Variants in RYR3 observed in about 807,000 individuals in gnomAD.
The protein encoded by RYR3 is ryanodine receptor 3.
In RYR3, 207 loss-of-function variants were observed where a neutral mutation model predicts 584.3. The observed-to-expected ratio is 0.35, with a 90% CI of 0.32 to 0.40. The LOEUF is 0.40. Ranked by LOEUF, RYR3 falls within the 10% of genes least tolerant of loss-of-function variation. The pLI is 1.00. For synonymous variants in RYR3, 2,416 were observed against 2,248.5 expected (o/e 1.07, Z -2.11); for missense variants, 5,616 against 6,089.2 (o/e 0.92, Z 2.59).
At chr15:33,751,967 CA>C (rs1250538411) in intron 57 of RYR3, among the ~76,000 whole-genome samples, 6 of 152,194 alleles carry the variant, frequency 3.9e-5, no homozygotes, top group African/African-American at 1.2e-4. Context: ...GTTTTCCCAG[CA>C]CCATTTATTA....
chr15:33,452,417 A>G (rs2047203255), intron 1 of RYR3, among the ~76,000 whole-genome samples: 1 of 152,192 alleles, frequency 6.6e-6, no homozygotes, highest in Admixed American at 6.5e-5. Flanking sequence ...AATCAGTCCC[A>G]TTTCTTCTAA....
chr15:33,843,753 G>A (rs1045518089), intron 92 of RYR3, among the ~76,000 whole-genome samples, 179 bp downstream of exon 92: 3 of 152,204 alleles, frequency 2.0e-5, no homozygotes, highest in Non-Finnish European at 4.4e-5. Context: ...AGAGACTACT[G>A]ACAAGAGAGC....
At chr15:33,663,457 T>C in intron 35 of RYR3, 80 bp from the exon 36 acceptor site, 3 of 1,219,120 alleles carry the variant, frequency 2.5e-6, no homozygotes, top group Non-Finnish European at 3.5e-6. Flanking sequence ...TAAGTCTCAG[T>C]GCTACTGTCT....
intron 3 of RYR3, among the ~76,000 whole-genome samples, chr15:33,512,342 AC>A (rs2053108289): frequency 6.6e-6 from 1 of 152,202 alleles, no homozygotes; most frequent in African/African-American, 2.4e-5. Context: ...GAAGAATTAA[AC>A]GTGAACTTCA....
rs748705446 is a variant in RYR3, at chr15:33,563,549, A to G, written c.1146+539A>G. Among the ~76,000 whole-genome samples, 14 of 152,220 alleles carry G rather than the reference A, an allele frequency of 9.2e-5. No homozygotes were observed. The East Asian group carries it at 1.2e-3, about 13-fold the overall frequency. ...AAAAACTAGCTTGGGTGCATGCAGC[A>G]TCTATTTACCAGAAAGTCAATTGCC... On this transcript the variant is annotated intron_variant, in intron 11 of 103. Transcript: ENST00000634891.
Position 33,550,257 on chromosome 15 carries a change from C to T in RYR3, c.913C>T (p.Leu305=). 1.2e-6 allele frequency: 2 copies of T among 1,613,740 alleles called. No individual in the cohort carries two copies. Among genetic ancestry groups the T allele is most frequent in the Non-Finnish European group, 1.7e-6 (2 of 1,179,782 alleles). The change falls in exon 10 of 104, where the codon CTG becomes TTG. Residue 305 remains leucine, a synonymous_variant. Transcript: ENST00000634891. ...CTTGACAGAAGACCAAGGCCTTATA[C>T]TGCAAGACCGGGCAAAGTCAGACAC... The part of the protein sequence containing the change: ...LALTEDQGLI[L]QDRAKSDTKS...
At chr15:33,468,469 T>A (rs900357993) in intron 1 of RYR3, among the ~76,000 whole-genome samples, 1 of 152,160 alleles carries the variant, frequency 6.6e-6, no homozygotes, top group Admixed American at 6.5e-5. Flanking sequence ...CAAAGCCTCA[T>A]TGTTTTATTT....
intron 6 of RYR3, among the ~76,000 whole-genome samples, chr15:33,540,220 A>G (rs1269455112): frequency 3.3e-5 from 5 of 152,172 alleles, no homozygotes; most frequent in Non-Finnish European, 5.9e-5. Flanking sequence ...AGGATCGAAT[A>G]TAGGAAAATA....
chr15:33,819,226 C>T (rs529107446), intron 76 of RYR3, among the ~76,000 whole-genome samples: 76 of 152,364 alleles, frequency 5.0e-4, no homozygotes, highest in Admixed American at 9.8e-4. Context: ...CTATAAACTT[C>T]ATCTCTGAAT....
At chr15:33,546,136 A>AATGGAG (rs1227686822) in intron 8 of RYR3, among the ~76,000 whole-genome samples, 14 of 152,304 alleles carry the variant, frequency 9.2e-5, no homozygotes, top group Admixed American at 9.2e-4. Context: ...TGTGAGATTA[A>AATGGAG]ATGGAGCAAG....
intron 37 of RYR3, 90 bp from the exon 38 acceptor site, chr15:33,670,329 G>T (rs970457220): frequency 3.0e-6 from 4 of 1,342,482 alleles, no homozygotes; most frequent in Non-Finnish European, 4.2e-6. Context: ...GTTCCAGAAG[G>T]ATGGGAAGCA....
At chr15:33,610,456 G>C (rs1194579490) in intron 18 of RYR3, among the ~76,000 whole-genome samples, 2 of 152,116 alleles carry the variant, frequency 1.3e-5, no homozygotes, top group Non-Finnish European at 2.9e-5. Context: ...TTCTGTCTTT[G>C]ATCCCCAGTC....
intron 1 of RYR3, among the ~76,000 whole-genome samples, chr15:33,425,222 A>AATTGCAT (rs1264568480): frequency 6.6e-6 from 1 of 152,226 alleles, no homozygotes; most frequent in African/African-American, 2.4e-5. Context: ...GGAGATAAAG[A>AATTGCAT]ATTGCATAAG....
intron 85 of RYR3, among the ~76,000 whole-genome samples, chr15:33,829,221 T>G (rs1185830965): frequency 5.9e-5 from 9 of 152,204 alleles, no homozygotes; most frequent in Non-Finnish European, 1.3e-4. Flanking sequence ...ATGCACCTGG[T>G]TCCAAGAGCT....
intron 1 of RYR3, among the ~76,000 whole-genome samples, chr15:33,334,236 C>G (rs943227090): frequency 2.6e-5 from 4 of 152,142 alleles, no homozygotes; most frequent in African/African-American, 9.7e-5. Flanking sequence ...CAATCCTAAG[C>G]AAAAGGAACA....
chr15:33,576,812 A>G (rs1039817656), intron 12 of RYR3, among the ~76,000 whole-genome samples: 1 of 152,216 alleles, frequency 6.6e-6, no homozygotes, highest in Non-Finnish European at 1.5e-5. Context: ...ACACAGGAAG[A>G]GAGGAAGTCA....
At position 33,311,466 on chromosome 15, in the gene RYR3, G is replaced by A. The variant is rs1265726275; in HGVS notation, c.51+370G>A. On this transcript the variant is annotated intron_variant, in intron 1 of 103. Coordinates refer to ENST00000634891, the MANE Select transcript of RYR3 (RefSeq NM_001036.6). The surrounding 1 kb of genome is among the most constrained non-coding windows in gnomAD (Gnocchi z 4.4). ...GATCGGCGTTGGAAGCCCTCGCCCC[G>A]GGGTCGGCCCTCTGACACCTCCATA... 6.6e-6 allele frequency among the ~76,000 whole-genome samples: 1 copy of A among 152,176 alleles called. No homozygotes were observed. Among genetic ancestry groups the A allele is most frequent in the African/African-American group, 2.4e-5 (1 of 41,446 alleles).
At chr15:33,597,589 C>T (rs938488102) in intron 16 of RYR3, among the ~76,000 whole-genome samples, 6 of 142,954 alleles carry the variant, frequency 4.2e-5, no homozygotes, top group East Asian at 4.1e-4. Flanking sequence ...CCAGCCTGGG[C>T]GACAGTGCAA....
At chr15:33,488,918 A>G (rs948701848) in intron 2 of RYR3, among the ~76,000 whole-genome samples, 2 of 152,170 alleles carry the variant, frequency 1.3e-5, no homozygotes, top group Non-Finnish European at 2.9e-5. Context: ...TTCTTCATGG[A>G]TATTTTCAAA....
Sources: gnomAD v4.1 joint callset for allele counts (sites outside exome capture counted in the v4.1 genomes callset) on GRCh38, gnomAD v4.1.1 for gene constraint, Gnocchi (gnomAD v3.1) non-coding constraint, MANE v1.5 for transcripts, NCBI Gene and HGNC (gene_info 2026-07-23, HGNC 2026-07-21) for gene names.